The following ELMO1 variants were observed in gnomAD, a reference collection of about 807,000 sequenced individuals.
The protein encoded by ELMO1 is engulfment and cell motility 1.
Under a neutral mutation model 98.9 loss-of-function variants are expected in ELMO1, and 26 were observed. The observed-to-expected ratio is 0.26, with a 90% CI of 0.19 to 0.36. The LOEUF is 0.36. ELMO1 is among the 10% of genes least tolerant of loss of function. The pLI is 1.00. For missense variants in ELMO1, 627 were observed against 935.2 expected, an observed-to-expected ratio of 0.67 and a Z score of 4.30; for synonymous variants, 346 against 346.0, an observed-to-expected ratio of 1.00 and a Z score of 0.00.
At chr7:37,330,740 T>C (rs567888629) in intron 2 of ELMO1, among the ~76,000 whole-genome samples, 20 of 152,358 alleles carry the variant, frequency 1.3e-4, no homozygotes, top group African/African-American at 3.1e-4. Flanking sequence ...ATTCTTACCA[T>C]AGATCTTAGC....
chr7:36,891,939 T>C (rs889199487), intron 17 of ELMO1, among the ~76,000 whole-genome samples: 4 of 152,164 alleles, frequency 2.6e-5, no homozygotes, highest in Admixed American at 1.3e-4. Context: ...GCTTTTTATA[T>C]CCATTAACTC....
At chr7:37,344,789 A>T (rs1800913868) in intron 1 of ELMO1, among the ~76,000 whole-genome samples, 1 of 152,264 alleles carries the variant, frequency 6.6e-6, no homozygotes, top group Non-Finnish European at 1.5e-5. Context: ...AGTGAGGCTG[A>T]ACATAAAGAG....
At chr7:37,416,970 G>A (rs913628378) in intron 1 of ELMO1, among the ~76,000 whole-genome samples, 1 of 152,214 alleles carries the variant, frequency 6.6e-6, no homozygotes, top group African/African-American at 2.4e-5. Flanking sequence ...CCTAGCTTAT[G>A]AAATCAAATG....
At chr7:37,429,567 G>A (rs1356541493) in intron 1 of ELMO1, 1 of 152,262 alleles carries the variant, frequency 6.6e-6, no homozygotes, top group Admixed American at 6.5e-5. Flanking sequence ...CCAGGCAGTG[G>A]GCAGAGCACA....
chr7:36,955,516 C>T (rs1788371714), intron 16 of ELMO1, among the ~76,000 whole-genome samples: 1 of 152,158 alleles, frequency 6.6e-6, no homozygotes, highest in Admixed American at 6.5e-5. Flanking sequence ...TATTTCAGTA[C>T]AATAATCTGA....
chr7:36,862,108 C>T, intron 20 of ELMO1: 1 of 226,300 alleles, frequency 4.4e-6, no homozygotes, highest in Admixed American at 5.0e-5. Flanking sequence ...CCAGAGAGGC[C>T]ACAAAAACAA....
chr7:37,053,285 A>AACACACACACACACACACACACACAC (rs59573752), intron 15 of ELMO1, among the ~76,000 whole-genome samples: 3 of 138,786 alleles, frequency 2.2e-5, no homozygotes, highest in African/African-American at 8.1e-5. Flanking sequence ...CATTTGTTAA[A>AACACACACACACACACACACACACAC]ACACACACAC....
At chr7:37,137,477 T>C (rs1277702676) in intron 13 of ELMO1, among the ~76,000 whole-genome samples, 1 of 152,174 alleles carries the variant, frequency 6.6e-6, no homozygotes, top group Non-Finnish European at 1.5e-5. Flanking sequence ...ACACATTCTA[T>C]TCATCAGCAC....
At chr7:37,442,330 G>A (rs1436212860) in intron 1 of ELMO1, among the ~76,000 whole-genome samples, 1 of 152,144 alleles carries the variant, frequency 6.6e-6, no homozygotes, top group Non-Finnish European at 1.5e-5. Flanking sequence ...AACCATCACG[G>A]TCAAAGGACT....
intron 2 of ELMO1, among the ~76,000 whole-genome samples, chr7:37,327,016 T>C (rs558488261): frequency 6.6e-6 from 1 of 152,384 alleles, no homozygotes; most frequent in East Asian, 1.9e-4. Context: ...AATGTTGCTA[T>C]GGATATCAAG....
chr7:37,372,386 G>A (rs946689696), intron 1 of ELMO1, among the ~76,000 whole-genome samples: 2 of 152,068 alleles, frequency 1.3e-5, no homozygotes, highest in Non-Finnish European at 2.9e-5. Context: ...TTTGTAAAAT[G>A]GGAATAATAC....
At chr7:37,152,987 G>T (rs773099176) in intron 13 of ELMO1, among the ~76,000 whole-genome samples, 1 of 152,156 alleles carries the variant, frequency 6.6e-6, no homozygotes, top group Non-Finnish European at 1.5e-5. Flanking sequence ...AGGGACACAC[G>T]TGGGGAAGGA....
At chr7:36,858,025 T>C (rs1353322770) in intron 21 of ELMO1, among the ~76,000 whole-genome samples, 1 of 152,176 alleles carries the variant, frequency 6.6e-6, no homozygotes, top group Non-Finnish European at 1.5e-5. Flanking sequence ...AACTGCAACA[T>C]ATTGAGACAC....
chr7:36,939,358 A>G lies in ELMO1; in HGVS notation c.1438-44341T>C, dbSNP rs56225694. On this transcript the variant is annotated intron_variant, in intron 16 of 21. Transcript: ENST00000310758. ...ATAGAAGACTTAACCTAGTCAGGCTAGGGGTTCATGTACTCATAGAAGACT... is the reference window on the plus strand; with the variant it reads ...ATAGAAGACTTAACCTAGTCAGGCTGGGGGTTCATGTACTCATAGAAGACT... Among the ~76,000 whole-genome samples, 89 of 87,444 alleles carry G rather than the reference A, an allele frequency of 1.0e-3. 4 individuals are homozygous for G. Among genetic ancestry groups the G allele is most frequent in the Middle Eastern group, 6.2e-3 (1 of 162 alleles). The allele number at this position is 87,444 out of a possible 152,430, so 57.4% of individuals were successfully genotyped here.
At chr7:37,259,453 C>G in intron 5 of ELMO1, 103 bp from the exon 6 acceptor site, 1 of 1,294,980 alleles carries the variant, frequency 7.7e-7, no homozygotes, top group Non-Finnish European at 1.1e-6. Flanking sequence ...GCCAAAAGCG[C>G]AAGACTATCT....
At position 36,857,384 on chromosome 7, in the gene ELMO1, C is replaced by T. The variant is rs185600561; in HGVS notation, c.1984-1633G>A. On this transcript the variant is annotated intron_variant, in intron 21 of 21. Transcript: ENST00000310758. The stretch of plus-strand genomic sequence containing the variant: ...GACTTTGCTTCCTAGAAAACTCTAA[C>T]GAACACGCAGGTACGGGTGCCACTG... Among the ~76,000 whole-genome samples the T allele has an allele frequency of 7.2e-5, 11 of 152,164 alleles. No homozygotes were observed. The East Asian group carries it at 1.7e-3, about 24-fold the overall frequency.
At chr7:37,268,272 C>T (rs1326784292) in intron 5 of ELMO1, among the ~76,000 whole-genome samples, 5 of 152,174 alleles carry the variant, frequency 3.3e-5, no homozygotes, top group East Asian at 1.9e-4. Flanking sequence ...AAAGGTCACA[C>T]ACATTTGCAC....
At chr7:36,897,842 C>A (rs1016208383) in intron 16 of ELMO1, among the ~76,000 whole-genome samples, 5 of 152,178 alleles carry the variant, frequency 3.3e-5, no homozygotes, top group African/African-American at 1.2e-4. Context: ...ACTTATAGTT[C>A]AGTTTGAAGA....
intron 14 of ELMO1, among the ~76,000 whole-genome samples, chr7:37,126,182 G>C (rs948129052): frequency 1.4e-4 from 21 of 151,736 alleles, no homozygotes; most frequent in African/African-American, 4.6e-4. Flanking sequence ...AGCATTAGGA[G>C]ATATACCTAA....
Sources: gnomAD v4.1 joint callset for allele counts (sites outside exome capture counted in the v4.1 genomes callset) on GRCh38, gnomAD v4.1.1 for gene constraint, MANE v1.5 for transcripts, NCBI Gene and HGNC (gene_info 2026-07-23, HGNC 2026-07-21) for gene names.